ARHGEF18: variants seen among roughly 807,000 people sequenced by gnomAD.
ARHGEF18 encodes rho guanine nucleotide exchange factor 18.
In ARHGEF18, 93 loss-of-function variants were observed where a neutral mutation model predicts 155.7. The observed-to-expected ratio is 0.60, with a 90% CI of 0.50 to 0.71. The LOEUF (loss-of-function observed/expected upper bound fraction) is 0.71, where lower values mean the gene tolerates loss of function less well. Among genes scored for constraint, ARHGEF18 ranks in the 30% least tolerant of loss-of-function variants. ARHGEF18 has a pLI of 0.00. For missense variants in ARHGEF18, 1,593 were observed against 1,816.1 expected (o/e 0.88, Z 2.23); for synonymous variants, 742 against 753.1 (o/e 0.99, Z 0.24).
intron 10 of ARHGEF18, among the ~76,000 whole-genome samples, chr19:7,430,965 G>A (rs905684248): frequency 1.3e-5 from 2 of 152,024 alleles, no homozygotes; most frequent in Non-Finnish European, 2.9e-5. Context: ...CCAGGAGTTC[G>A]AGACCAGCCT....
chr19:7,464,424 G>A, intron 22 of ARHGEF18, 136 bp from the exon 23 acceptor site: 1 of 1,064,056 alleles, frequency 9.4e-7, no homozygotes, highest in Non-Finnish European at 1.3e-6. Context: ...CTCTCCAGCA[G>A]GCGTCTGTGC....
In ARHGEF18 at chr19:7,444,232, G is replaced by A. The variant is rs1246503738; in HGVS notation, c.1389G>A (p.Val463=). The change falls in exon 14 of 29, where the codon GTG becomes GTA. Residue 463 remains valine (V), a synonymous_variant. Transcript: ENST00000668164. This position sits in a 1 kb window ranked among gnomAD's most constrained non-coding sequence, Gnocchi z 4.7. The stretch of plus-strand genomic sequence containing the variant: ...TGATGCAGACAGAGGTGCACCACGT[G>A]CGGACGCTCAAGATCATGCTGAAGG... ...YELMQTEVHH[V]RTLKIMLKVY... 1.2e-6 allele frequency: 2 copies of A among 1,613,390 alleles called. No homozygotes were observed.
chr19:7,466,138 C>T (rs1014647539), intron 23 of ARHGEF18, among the ~76,000 whole-genome samples: 3 of 152,012 alleles, frequency 2.0e-5, no homozygotes, highest in Non-Finnish European at 4.4e-5. Flanking sequence ...AATCCCAGCA[C>T]TTTGGGAAGC....
In ARHGEF18 at chr19:7,362,877, ACTT is replaced by A. The variant is rs1969688521; in HGVS notation, c.-8_-6del. 8.1e-7 allele frequency: 1 copy of A among 1,234,292 alleles called. No homozygotes were observed. The highest frequency in any genetic ancestry group is 3.2e-5 in the East Asian group (1 of 31,690). 76.5% of individuals were successfully genotyped at this position (1,234,292 alleles called of 1,614,324 possible). A position where few individuals can be genotyped will look rare whatever the true frequency, so the allele number is the denominator to read the frequency against. The stretch of plus-strand genomic sequence containing the variant: ...GGATCCTGGAAACCTGAGAACCCAG[ACTT>A]CTTCTCTGCCATGGGGGATGATCAG... On this transcript the variant is annotated 5_prime_UTR_variant, in exon 2 of 29. Coordinates refer to ENST00000668164, the MANE Select transcript of ARHGEF18 (RefSeq NM_001367823.1).
At chr19:7,350,766 GGGT>G (rs1969136004) in intron 1 of ARHGEF18, among the ~76,000 whole-genome samples, 137 of 6,444 alleles carry the variant, frequency 0.021, 1 homozygote, top group Middle Eastern at 0.17. Flanking sequence ...TTTTTGGGGT[GGGT>G]GTGTGTGTGT....
intron 15 of ARHGEF18, among the ~76,000 whole-genome samples, chr19:7,450,312 GTTAATACA>G (rs1449571432): frequency 4.0e-5 from 4 of 100,892 alleles, no homozygotes; most frequent in Admixed American, 1.0e-4. Flanking sequence ...TTTCCAAGAC[GTTAATACA>G]GGATCTTGCT....
intron 1 of ARHGEF18, among the ~76,000 whole-genome samples, chr19:7,351,586 G>A (rs1282620175): frequency 1.3e-5 from 2 of 151,924 alleles, no homozygotes; most frequent in African/African-American, 4.8e-5. Flanking sequence ...GCCTCCCAAA[G>A]TGCTGGGATT....
At chr19:7,409,010 T>G (rs1037805275) in intron 10 of ARHGEF18, among the ~76,000 whole-genome samples, 1 of 150,858 alleles carries the variant, frequency 6.6e-6, no homozygotes, top group Non-Finnish European at 1.5e-5. Flanking sequence ...CAGTGAGCCG[T>G]GATTGCACCA....
At chr19:7,349,588 G>A (rs1404954307) in intron 1 of ARHGEF18, among the ~76,000 whole-genome samples, 1 of 151,874 alleles carries the variant, frequency 6.6e-6, no homozygotes, top group Non-Finnish European at 1.5e-5. Context: ...GACCAGCCCG[G>A]CCAACATGGT....
chr19:7,458,177 C>T (rs1005267119), intron 18 of ARHGEF18, among the ~76,000 whole-genome samples: 1 of 151,360 alleles, frequency 6.6e-6, no homozygotes, highest in Admixed American at 6.6e-5. Flanking sequence ...ATCCCAGCTA[C>T]TCAGGAGGCT....
rs1970491535 is a variant in ARHGEF18, at chr19:7,377,070, A to C, written c.541+313A>C. ...GTCCCCAAGATTCTCTCTTCTCTCT[A>C]TGACTCTTTTTTTTTTTTGAGATAG... On this transcript the variant is annotated intron_variant, in intron 5 of 28. Coordinates refer to ENST00000668164, the MANE Select transcript of ARHGEF18 (RefSeq NM_001367823.1). Among the ~76,000 whole-genome samples, 5 of 137,670 alleles carry C rather than the reference A, an allele frequency of 3.6e-5. No homozygotes were observed. In the South Asian group the frequency reaches 8.7e-4, roughly 24 times the overall value. The allele number at this position is 137,670 out of a possible 152,430, so 90.3% of individuals were successfully genotyped here. A position where few individuals can be genotyped will look rare whatever the true frequency, so the allele number is the denominator to read the frequency against.
At chr19:7,396,918 T>G (rs1388169825) in intron 10 of ARHGEF18, among the ~76,000 whole-genome samples, 2 of 151,960 alleles carry the variant, frequency 1.3e-5, no homozygotes, top group Non-Finnish European at 2.9e-5. Flanking sequence ...TGGCAAACTT[T>G]CCATCAGTGT....
At chr19:7,433,169 A>C (rs1042250711) in intron 10 of ARHGEF18, among the ~76,000 whole-genome samples, 58 of 151,782 alleles carry the variant, frequency 3.8e-4, no homozygotes, top group South Asian at 4.2e-4. Context: ...TCTCTTTAAA[A>C]AAAAAAAAGA....
chr19:7,441,140 TG>T, intron 11 of ARHGEF18, among the ~76,000 whole-genome samples: 1 of 150,112 alleles, frequency 6.7e-6, no homozygotes, highest in Non-Finnish European at 1.5e-5. Context: ...GAAATCCTGA[TG>T]TGACATTGAC....
In ARHGEF18 at chr19:7,427,645, T is replaced by TAA. The variant is rs550345618; in HGVS notation, c.968-12685_968-12684dup. On this transcript the variant is annotated intron_variant, in intron 10 of 28. Coordinates refer to ENST00000668164, the MANE Select transcript of ARHGEF18 (RefSeq NM_001367823.1). ...GGATGACAGAGGGAGACCCTGTCTC[T>TAA]AAAAAAAAAAAAAAAGAAGGCCGGG... Among the ~76,000 whole-genome samples the TAA allele has an allele frequency of 5.6e-4, 59 of 105,758 alleles. No individual in the cohort carries two copies. The East Asian group carries it at 6.9e-3, about 12-fold the overall frequency. The allele number at this position is 105,758 out of a possible 152,430, so 69.4% of individuals were successfully genotyped here.
intron 18 of ARHGEF18, among the ~76,000 whole-genome samples, chr19:7,458,118 C>A (rs1252705635): frequency 6.6e-6 from 1 of 151,718 alleles, no homozygotes; most frequent in Non-Finnish European, 1.5e-5. Context: ...GAGATCCCAT[C>A]TCTACAAAAA....
chr19:7,455,744 G>C (rs111822127), intron 17 of ARHGEF18, among the ~76,000 whole-genome samples: 5 of 152,140 alleles, frequency 3.3e-5, no homozygotes, highest in East Asian at 1.9e-4. Context: ...TTCCACCTGT[G>C]GGGGAAGGCC....
Position 7,382,842 on chromosome 19 carries a change from T to C in ARHGEF18, c.773T>C (p.Val258Ala). Residue 258 changes from valine to alanine, a missense_variant, in exon 9 of 29, where the codon GTG becomes GCG. By Grantham distance (64) the Val-to-Ala change is moderately conservative (BLOSUM62 0). Coordinates refer to ENST00000668164, the MANE Select transcript of ARHGEF18 (RefSeq NM_001367823.1). ...KNEKSDKSTS[V>A]KRRLSCLRSR... ...GAGAAGAGTGACAAGAGTACCAGTG[T>C]GAAGCGCAGGCTGAGCTGCCTCCGC... 1 of 1,232,556 alleles carries C rather than the reference T, an allele frequency of 8.1e-7. No homozygotes were observed. Among genetic ancestry groups the C allele is most frequent in the East Asian group, 3.2e-5 (1 of 31,706 alleles). 76.4% of individuals were successfully genotyped at this position (1,232,556 alleles called of 1,614,324 possible).
intron 1 of ARHGEF18, among the ~76,000 whole-genome samples, chr19:7,358,243 A>AT (rs1246087661): frequency 1.1e-3 from 160 of 148,530 alleles, no homozygotes; most frequent in South Asian, 2.3e-3. Context: ...CCATCCATCC[A>AT]CCCATCCACC....
Sources: allele counts gnomAD v4.1 joint callset (sites outside exome capture counted in the v4.1 genomes callset), GRCh38; gene constraint gnomAD v4.1.1; non-coding constraint Gnocchi (gnomAD v3.1); transcripts MANE v1.5; gene names NCBI Gene and HGNC (gene_info 2026-07-23, HGNC 2026-07-21).